The following SEMA6A variants were observed in gnomAD, a reference collection of about 807,000 sequenced individuals.
The protein encoded by SEMA6A is semaphorin 6A, also known as semaphorin-6A.
In SEMA6A, 25 loss-of-function variants were observed where a neutral mutation model predicts 96.8. That is an observed-to-expected ratio of 0.26 (90% CI 0.19 to 0.36). The LOEUF is 0.36. Ranked by LOEUF, SEMA6A falls within the 10% of genes least tolerant of loss-of-function variation. The pLI is 1.00. For missense variants in SEMA6A, 1,363 were observed against 1,323.1 expected (o/e 1.03, Z -0.47); for synonymous variants, 612 against 518.0 (o/e 1.18, Z -2.46).
intron 1 of SEMA6A, among the ~76,000 whole-genome samples, chr5:116,534,807 G>A (rs955865433): frequency 6.6e-6 from 1 of 152,178 alleles, no homozygotes; most frequent in African/African-American, 2.4e-5. Context: ...CCCAGGAATG[G>A]GCACGTTATT....
intron 1 of SEMA6A, among the ~76,000 whole-genome samples, chr5:116,537,414 C>G (rs112378481): frequency 8.7e-4 from 132 of 152,256 alleles, no homozygotes; most frequent in African/African-American, 3.2e-3. Context: ...CTGCTCTGCA[C>G]GTGAAGCAGT....
At chr5:116,487,005 C>A (rs780742312) in intron 9 of SEMA6A, 39 bp from the exon 10 acceptor site, 50 of 1,459,288 alleles carry the variant, frequency 3.4e-5, no homozygotes, top group Non-Finnish European at 4.7e-5. Flanking sequence ...TAAATGCATT[C>A]ATTTTGCAAG....
chr5:116,478,290 T>C (rs1756567265), intron 13 of SEMA6A, 136 bp from the exon 14 acceptor site: 2 of 1,025,094 alleles, frequency 2.0e-6, no homozygotes, highest in Non-Finnish European at 2.8e-6. Context: ...CCTTCTGCTC[T>C]TGCACACACG....
At chr5:116,481,005 T>G (rs1336361891) in intron 11 of SEMA6A, among the ~76,000 whole-genome samples, 3 of 152,094 alleles carry the variant, frequency 2.0e-5, no homozygotes, top group Non-Finnish European at 4.4e-5. Flanking sequence ...TCCAGACACC[T>G]GGTTTGCCTG....
chr5:116,491,788 C>A lies in SEMA6A; in HGVS notation c.487G>T (p.Ala163Ser), dbSNP rs1187252246. ...EPFGDEFSGMARCPYDAKHAN... is the reference protein window; with the variant it reads ...EPFGDEFSGMSRCPYDAKHAN... ...TGTTTGGCATCATATGGGCATCTGG[C>A]CATTCCGCTGAATTCATCCCCGAAT... Residue 163 changes from alanine (A) to serine (S), a missense_variant, in exon 7 of 19, where the codon GCC becomes TCC. Physicochemically the swap from Ala to Ser is moderately conservative, Grantham distance 99. This residue lies in a region of SEMA6A where 480 missense variants were observed against 559.5 expected (regional missense o/e 0.86). Transcript: ENST00000343348. 6.2e-7 allele frequency: 1 copy of A among 1,613,794 alleles called. No homozygotes were observed. The highest frequency in any genetic ancestry group is 1.1e-5 in the South Asian group (1 of 91,080).
intron 1 of SEMA6A, among the ~76,000 whole-genome samples, chr5:116,535,244 T>C (rs1759657717): frequency 6.6e-6 from 1 of 152,094 alleles, no homozygotes; most frequent in East Asian, 1.9e-4. Flanking sequence ...AGGCCAAAGT[T>C]AGACCAACTA....
chr5:116,495,579 ATG>A, intron 5 of SEMA6A, 65 bp from the exon 6 acceptor site: 2 of 1,195,170 alleles, frequency 1.7e-6, no homozygotes, highest in Non-Finnish European at 2.4e-6. Context: ...TCTTCACTGT[ATG>A]CCATGGTTGG....
At chr5:116,504,820 A>G in intron 2 of SEMA6A, 25 bp downstream of exon 2, 1 of 1,532,226 alleles carries the variant, frequency 6.5e-7, no homozygotes, top group African/African-American at 1.4e-5. Flanking sequence ...AAAGGGAGAC[A>G]CTGAGTGAGA....
intron 1 of SEMA6A, among the ~76,000 whole-genome samples, chr5:116,564,941 A>T (rs906193903): frequency 1.2e-4 from 18 of 152,234 alleles, no homozygotes; most frequent in African/African-American, 4.3e-4. Context: ...CACGGCACAC[A>T]GCAATCATGA....
At chr5:116,504,403 A>G (rs189834680) in intron 2 of SEMA6A, among the ~76,000 whole-genome samples, 35 of 152,344 alleles carry the variant, frequency 2.3e-4, no homozygotes, top group East Asian at 7.7e-4. Flanking sequence ...TCTATTAACT[A>G]TGTAACTTCT....
chr5:116,497,348 C>G lies in SEMA6A; in HGVS notation c.258G>C (p.Thr86=), dbSNP rs1431806410. The change falls in exon 4 of 19, where the codon ACG becomes ACC. Residue 86 remains threonine, a synonymous_variant. Transcript: ENST00000343348. Reference sequence around the variant, plus strand: ...TTACTTTGCTACAATAAATTTCTTCCGTGTGTGATGTGTCTATATCAACAG... The same window carrying G: ...TTACTTTGCTACAATAAATTTCTTCGGTGTGTGATGTGTCTATATCAACAG... ...IYTVDIDTSH[T]EEIYCSKKLT... 6.3e-7 allele frequency: 1 copy of G among 1,598,378 alleles called. No individual in the cohort carries two copies. The highest frequency in any genetic ancestry group is 1.1e-5 in the South Asian group (1 of 90,112).
intron 18 of SEMA6A, among the ~76,000 whole-genome samples, chr5:116,464,970 A>C (rs1755639734): frequency 2.0e-5 from 3 of 152,184 alleles, no homozygotes; most frequent in African/African-American, 7.2e-5. Context: ...TTTTCTGCTT[A>C]GTGAGGAAAT....
intron 3 of SEMA6A, 73 bp downstream of exon 3, chr5:116,502,137 T>G: frequency 1.8e-6 from 2 of 1,121,736 alleles, no homozygotes; most frequent in Non-Finnish European, 2.7e-6. Flanking sequence ...TTAAAAATAA[T>G]GCATAGCTGG....
intron 1 of SEMA6A, among the ~76,000 whole-genome samples, chr5:116,549,878 C>A (rs254227): frequency 0.76 from 115,783 of 152,044 alleles, 44,371 homozygotes; most frequent in East Asian, 0.86. Context: ...CCTCTTTGCC[C>A]AAGTGCTACC....
At chr5:116,498,076 A>G (rs957201341) in intron 3 of SEMA6A, among the ~76,000 whole-genome samples, 10 of 152,208 alleles carry the variant, frequency 6.6e-5, no homozygotes, top group African/African-American at 2.2e-4. Flanking sequence ...GGAGAAAGAG[A>G]ATCAGCAGCT....
chr5:116,510,421 G>A (rs888589488), intron 1 of SEMA6A, among the ~76,000 whole-genome samples: 1 of 152,088 alleles, frequency 6.6e-6, no homozygotes, highest in Non-Finnish European at 1.5e-5. Context: ...AAAAGAGCAG[G>A]GGGTGAAACC....
intron 7 of SEMA6A, among the ~76,000 whole-genome samples, chr5:116,491,063 C>CCATA (rs1425253928): frequency 2.0e-5 from 3 of 152,152 alleles, no homozygotes; most frequent in Non-Finnish European, 4.4e-5. Context: ...CCCTCACCCA[C>CCATA]CATAGTCTTT....
intron 1 of SEMA6A, among the ~76,000 whole-genome samples, chr5:116,539,250 G>A (rs1268310121): frequency 6.6e-6 from 1 of 152,102 alleles, no homozygotes; most frequent in African/African-American, 2.4e-5. Flanking sequence ...TCCTAAAGTT[G>A]GAGGCAATCC....
chr5:116,518,968 G>T (rs1202665369), intron 1 of SEMA6A, among the ~76,000 whole-genome samples: 1 of 151,792 alleles, frequency 6.6e-6, no homozygotes, highest in Non-Finnish European at 1.5e-5. Flanking sequence ...TTTTCCTACT[G>T]GGTTAACATA....
Sources: allele counts gnomAD v4.1 joint callset (sites outside exome capture counted in the v4.1 genomes callset), GRCh38; gene constraint gnomAD v4.1.1; regional missense constraint gnomAD v4.1.1; transcripts MANE v1.5; gene names NCBI Gene and HGNC (gene_info 2026-07-23, HGNC 2026-07-21).